TMCC2: variants seen among roughly 807,000 people sequenced by gnomAD.
The protein encoded by TMCC2 is transmembrane and coiled-coil domain family 2, also known as transmembrane and coiled-coil domains protein 2.
In TMCC2, 16 loss-of-function variants were observed where a neutral mutation model predicts 49.4. That is an observed-to-expected ratio of 0.32 (90% CI 0.22 to 0.49). The LOEUF (loss-of-function observed/expected upper bound fraction) is 0.49. Among genes scored for constraint, TMCC2 ranks in the 20% least tolerant of loss-of-function variants. TMCC2 has a pLI of 0.99. For missense variants in TMCC2, 762 were observed against 989.8 expected, an observed-to-expected ratio of 0.77 and a Z score of 3.09; for synonymous variants, 397 against 434.1, an observed-to-expected ratio of 0.91 and a Z score of 1.06.
intron 2 of TMCC2, among the ~76,000 whole-genome samples, chr1:205,247,314 T>C (rs533862422): frequency 2.6e-5 from 4 of 152,154 alleles, no homozygotes; most frequent in African/African-American, 7.2e-5. Flanking sequence ...TCCTAGTCTG[T>C]ACCCAAGACT....
chr1:205,242,129 G>A, intron 2 of TMCC2, 85 bp downstream of exon 2: 1 of 1,433,070 alleles, frequency 7.0e-7, no homozygotes, highest in Non-Finnish European at 9.3e-7. Flanking sequence ...AGCTGAGCCA[G>A]GGGCCCTCCC....
At chr1:205,242,138 C>T (rs1660298398) in intron 2 of TMCC2, 94 bp downstream of exon 2, 41 of 1,370,612 alleles carry the variant, frequency 3.0e-5, no homozygotes, top group Non-Finnish European at 4.0e-5. Flanking sequence ...AGGGGCCCTC[C>T]CTGGCAGATA....
At chr1:205,260,778 T>C (rs1335273788) in intron 2 of TMCC2, among the ~76,000 whole-genome samples, 4 of 148,798 alleles carry the variant, frequency 2.7e-5, no homozygotes, top group Non-Finnish European at 6.0e-5. Flanking sequence ...GAATCATTCA[T>C]TATGTGGCCT....
chr1:205,262,386 C>T (rs1661153557), intron 2 of TMCC2, among the ~76,000 whole-genome samples: 1 of 152,172 alleles, frequency 6.6e-6, no homozygotes, highest in African/African-American at 2.4e-5. Context: ...CCCCTCCACA[C>T]ACCAGGCCCA....
chr1:205,266,938 C>T (rs1661365521), intron 2 of TMCC2, among the ~76,000 whole-genome samples: 1 of 152,194 alleles, frequency 6.6e-6, no homozygotes, highest in Non-Finnish European at 1.5e-5. Context: ...GGGAACAAGG[C>T]AGGAAGAAGC....
At chr1:205,262,460 GTAAC>G (rs1661156634) in intron 2 of TMCC2, among the ~76,000 whole-genome samples, 1 of 152,256 alleles carries the variant, frequency 6.6e-6, no homozygotes, top group South Asian at 2.1e-4. Context: ...TCTCAGAGTT[GTAAC>G]TAGACAGCTC....
At chr1:205,230,809 T>C (rs1482981826) in intron 1 of TMCC2, among the ~76,000 whole-genome samples, 1 of 151,490 alleles carries the variant, frequency 6.6e-6, no homozygotes, top group African/African-American at 2.4e-5. Flanking sequence ...TCCACTCTCC[T>C]GTATTATCTT....
chr1:205,229,114 A>G, intron 1 of TMCC2: 2 of 1,145,780 alleles, frequency 1.7e-6, no homozygotes, highest in Non-Finnish European at 2.2e-6. Flanking sequence ...GGTGACCATT[A>G]GTTTTCCTTG....
intron 2 of TMCC2, chr1:205,267,886 G>A (rs2102610336): frequency 1.0e-6 from 1 of 985,148 alleles, no homozygotes; most frequent in South Asian, 4.7e-5. Context: ...CCCCAAACTG[G>A]TCCCTGCTTC....
intron 2 of TMCC2, among the ~76,000 whole-genome samples, chr1:205,260,200 G>A (rs1478255832): frequency 6.6e-6 from 1 of 152,188 alleles, no homozygotes; most frequent in Admixed American, 6.5e-5. Flanking sequence ...GGGGTGGGGT[G>A]AGGAGGTCAT....
chr1:205,244,084 C>G (rs1338640260), intron 2 of TMCC2, among the ~76,000 whole-genome samples: 1 of 152,178 alleles, frequency 6.6e-6, no homozygotes, highest in Non-Finnish European at 1.5e-5. Flanking sequence ...CAAGCAGTGG[C>G]TGTCATTGGG....
chr1:205,257,392 G>A, intron 2 of TMCC2: 1 of 1,232,336 alleles, frequency 8.1e-7, no homozygotes. Flanking sequence ...GGTGGAAGGA[G>A]AGAATTTCAC....
chr1:205,262,874 C>T lies in TMCC2; in HGVS notation c.748-6076C>T, dbSNP rs531958581. On this transcript the variant is annotated intron_variant, in intron 2 of 4. Transcript: ENST00000358024. ...TTAGATGCTTTCCTGAGGTTGGGCT[C>T]CAGGCTACAAGCAGGAATGAGCTCA... is the stretch of plus-strand genomic sequence containing the variant. Among the ~76,000 whole-genome samples the T allele has an allele frequency of 5.3e-5, 8 of 152,052 alleles. No homozygotes were observed. In the South Asian group the frequency reaches 1.7e-3, roughly 32 times the overall value.
chr1:205,230,326 C>A (rs542557632), intron 1 of TMCC2, among the ~76,000 whole-genome samples: 14 of 152,266 alleles, frequency 9.2e-5, no homozygotes, highest in African/African-American at 3.4e-4. Flanking sequence ...CTTTTCAGAG[C>A]TTCGTGGCTA....
At chr1:205,231,685 G>C (rs2102517946) in intron 1 of TMCC2, among the ~76,000 whole-genome samples, 1 of 152,304 alleles carries the variant, frequency 6.6e-6, no homozygotes, top group East Asian at 1.9e-4. Context: ...TATTGACTCT[G>C]GAACTGGGTA....
chr1:205,239,315 G>A (rs368370295), intron 1 of TMCC2, among the ~76,000 whole-genome samples: 9 of 152,192 alleles, frequency 5.9e-5, no homozygotes, highest in African/African-American at 2.2e-4. Flanking sequence ...GCTTGGGCCT[G>A]GGGAAGGGGG....
intron 3 of TMCC2, among the ~76,000 whole-genome samples, chr1:205,270,583 A>G (rs886446653): frequency 6.6e-6 from 1 of 152,024 alleles, no homozygotes; most frequent in Admixed American, 6.5e-5. Context: ...TCTTCTCCAT[A>G]TATATAAAGA....
rs1659681635 is a variant in TMCC2 at position 205,229,160 on chromosome 1, TG to T, written c.207+390del. On this transcript the variant is annotated intron_variant, in intron 1 of 4. Transcript: ENST00000358024. ...CTCTACCCATTGGGATCTTTGTGTG[TG>T]TGTGTGTGTGTGTGTGTGTGTGTGT... 7 of 286,402 alleles carry T rather than the reference TG, an allele frequency of 2.4e-5. No homozygotes were observed. In the African/African-American group the frequency reaches 2.9e-4, roughly 12 times the overall value. The allele number at this position is 286,402 out of a possible 1,614,324, so 17.7% of individuals were successfully genotyped here. A position where few individuals can be genotyped will look rare whatever the true frequency, so the allele number is the denominator to read the frequency against.
At chr1:205,257,255 G>A (rs897649877) in intron 2 of TMCC2, 2 of 1,232,306 alleles carry the variant, frequency 1.6e-6, no homozygotes, top group Non-Finnish European at 2.0e-6. Flanking sequence ...GCAGCCCAGT[G>A]CTGCCCAGGG....
Sources: allele counts gnomAD v4.1 joint callset (sites outside exome capture counted in the v4.1 genomes callset), GRCh38; gene constraint gnomAD v4.1.1; transcripts MANE v1.5; gene names NCBI Gene and HGNC (gene_info 2026-07-23, HGNC 2026-07-21).